PPP1CC: variants seen among roughly 807,000 people sequenced by gnomAD.
The protein encoded by PPP1CC is serine/threonine-protein phosphatase PP1-gamma catalytic subunit.
PPP1CC carries 16 observed loss-of-function variants against 38.4 expected under a neutral mutation model. The ratio of observed to expected loss-of-function variants is 0.42; its 90% CI spans 0.28 to 0.63. PPP1CC has a LOEUF of 0.63. Ranked by LOEUF, PPP1CC falls within the 30% of genes least tolerant of loss-of-function variation. The pLI, the probability that PPP1CC is intolerant of heterozygous loss-of-function variation, is 0.25. For synonymous variants in PPP1CC, 158 were observed against 136.0 expected, an observed-to-expected ratio of 1.16 and a Z score of -1.13; for missense variants, 170 against 391.3, an observed-to-expected ratio of 0.43 and a Z score of 4.77.
chr12:110,716,637 A>G (rs1259574124), downstream of PPP1CC, among the ~76,000 whole-genome samples: 3 of 152,190 alleles, frequency 2.0e-5, no homozygotes. Context: ...TACAGGCATG[A>G]GCCACTGCAC....
chr12:110,733,300 G>A (rs547411880), intron 1 of PPP1CC, among the ~76,000 whole-genome samples: 1 of 152,202 alleles, frequency 6.6e-6, no homozygotes, highest in African/African-American at 2.4e-5. Context: ...GAAGCTTCTG[G>A]TTTCAACGTG....
chr12:110,736,199 G>T (rs2069942851), intron 1 of PPP1CC, among the ~76,000 whole-genome samples: 1 of 152,178 alleles, frequency 6.6e-6, no homozygotes, highest in African/African-American at 2.4e-5. Context: ...GCTAGAAAGG[G>T]AGATTCAGGA....
intron 1 of PPP1CC, among the ~76,000 whole-genome samples, chr12:110,735,199 G>A (rs1434299453): frequency 1.3e-5 from 2 of 151,302 alleles, no homozygotes; most frequent in Non-Finnish European, 2.9e-5. Flanking sequence ...GATTATAGGC[G>A]TGCGCCACCG....
At chr12:110,713,440 G>A in the PPP1CC span, among the ~76,000 whole-genome samples, 1 of 152,102 alleles carries the variant, frequency 6.6e-6, no homozygotes, top group Non-Finnish European at 1.5e-5. Flanking sequence ...GCCATGTGTT[G>A]ACTTTCTACT....
At chr12:110,715,579 AATC>A (rs1166722251), downstream of PPP1CC, among the ~76,000 whole-genome samples, 16 of 151,952 alleles carry the variant, frequency 1.1e-4, no homozygotes, top group Middle Eastern at 3.4e-3. Flanking sequence ...TAATTATTAC[AATC>A]ATCAGAATTC....
intron 1 of PPP1CC, among the ~76,000 whole-genome samples, chr12:110,737,673 T>A (rs1416341775): frequency 6.7e-6 from 1 of 149,326 alleles, no homozygotes; most frequent in East Asian, 2.0e-4. Flanking sequence ...GGCAGGGAGC[T>A]GTGGTTCACG....
intron 3 of PPP1CC, chr12:110,725,232 A>G (rs1053779077): frequency 2.0e-5 from 3 of 152,834 alleles, no homozygotes; most frequent in African/African-American, 7.2e-5. Context: ...ATTATCTGGG[A>G]GCATCAATTC....
Position 110,719,929 on chromosome 12 carries a change from G to C in PPP1CC, c.*1147C>G, listed in dbSNP as rs961742646. On this transcript the variant is annotated 3_prime_UTR_variant, in exon 7 of 7. Coordinates refer to ENST00000335007, the MANE Select transcript of PPP1CC (RefSeq NM_002710.4). Reference sequence around the variant, plus strand: ...ATTTAACAAGTTCATCATTTAATAAGTCTGAATTCATTTTCACCACACGGT... The same window carrying C: ...ATTTAACAAGTTCATCATTTAATAACTCTGAATTCATTTTCACCACACGGT... 11 of 516,166 alleles carry C rather than the reference G, an allele frequency of 2.1e-5. No homozygotes were observed. Among genetic ancestry groups the C allele is most frequent in the Non-Finnish European group, 3.7e-5 (11 of 293,760 alleles). The allele number at this position is 516,166 out of a possible 1,614,324, so 32.0% of individuals were successfully genotyped here. A position where few individuals can be genotyped will look rare whatever the true frequency, so the allele number is the denominator to read the frequency against.
the PPP1CC span, among the ~76,000 whole-genome samples, chr12:110,710,730 A>G: frequency 6.8e-6 from 1 of 146,728 alleles, no homozygotes; most frequent in Non-Finnish European, 1.5e-5. Flanking sequence ...AAAAAAAAAA[A>G]AAAAAAAAAA....
chr12:110,736,711 A>G (rs56386451), intron 1 of PPP1CC, among the ~76,000 whole-genome samples: 14,015 of 152,266 alleles, frequency 0.092, 724 homozygotes, highest in African/African-American at 0.12. Flanking sequence ...CATAAGCAAT[A>G]CTAACTTTTG....
chr12:110,709,492 T>G, the PPP1CC span, among the ~76,000 whole-genome samples: 205 of 151,876 alleles, frequency 1.3e-3, 2 homozygotes, highest in Non-Finnish European at 1.2e-3. Context: ...GCTCCCAAAG[T>G]GTTGAGATTA....
Position 110,721,072 on chromosome 12 carries a change from A to C in PPP1CC, c.*4T>G. The C allele has an allele frequency of 6.2e-7, 1 of 1,613,468 alleles. No homozygotes were observed. Among genetic ancestry groups the C allele is most frequent in the Non-Finnish European group, 8.5e-7 (1 of 1,179,396 alleles). ...GTCCCGACTAGGCAGTGTCAAAACG[A>C]CATCTATTTCTTTGCTTGCTTTGTG... is the stretch of plus-strand genomic sequence containing the variant. On this transcript the variant is annotated 3_prime_UTR_variant, in exon 7 of 7. Coordinates refer to ENST00000335007, the MANE Select transcript of PPP1CC (RefSeq NM_002710.4).
downstream of PPP1CC, among the ~76,000 whole-genome samples, chr12:110,718,948 T>G (rs138897026): frequency 6.6e-6 from 1 of 152,000 alleles, no homozygotes; most frequent in African/African-American, 2.4e-5. Flanking sequence ...ACTCCAATAA[T>G]GATATAATCC....
chr12:110,724,804 T>C lies in PPP1CC; in HGVS notation c.419-40A>G, dbSNP rs943832900. The stretch of plus-strand genomic sequence containing the variant: ...AGAGTATTACATTAAAAAGAGAGTA[T>C]TACTGTTCCGTAGGCTCATTCTCTC... On this transcript the variant is annotated intron_variant, in intron 3 of 6. Transcript: ENST00000335007. 4.0e-6 allele frequency: 5 copies of C among 1,259,250 alleles called. No homozygotes were observed. The African/African-American group carries it at 5.9e-5, about 15-fold the overall frequency. The allele number at this position is 1,259,250 out of a possible 1,614,324, so 78.0% of individuals were successfully genotyped here. A position where few individuals can be genotyped will look rare whatever the true frequency, so the allele number is the denominator to read the frequency against.
At chr12:110,731,203 A>AC (rs545862831) in intron 2 of PPP1CC, among the ~76,000 whole-genome samples, 1 of 82,926 alleles carries the variant, frequency 1.2e-5, no homozygotes, top group African/African-American at 4.8e-5. Flanking sequence ...CACCACCCCC[A>AC]CCCCCCACCC....
intron 1 of PPP1CC, among the ~76,000 whole-genome samples, chr12:110,739,082 G>A (rs960923004): frequency 1.3e-5 from 2 of 152,202 alleles, no homozygotes; most frequent in African/African-American, 4.8e-5. Flanking sequence ...CACTTTGGGA[G>A]TCTGAGGCGG....
rs746894740 is a variant in PPP1CC, at chr12:110,722,111, A to C, written c.882+24T>G. The C allele has an allele frequency of 1.2e-5, 20 of 1,611,094 alleles. No individual in the cohort carries two copies. The highest frequency in any genetic ancestry group is 1.7e-5 in the Non-Finnish European group (20 of 1,177,980). On this transcript the variant is annotated intron_variant, in intron 6 of 6. Transcript: ENST00000335007. This position sits in a 1 kb window ranked among gnomAD's most constrained non-coding sequence, Gnocchi z 5.4. The stretch of plus-strand genomic sequence containing the variant: ...GCAAAGTGTAAACATATTAAAAGGA[A>C]ATCATGTTGAAAGCATGCTCTACCT...
the PPP1CC span, among the ~76,000 whole-genome samples, chr12:110,709,297 C>A: frequency 1.3e-5 from 2 of 148,388 alleles, no homozygotes; most frequent in Admixed American, 6.7e-5. Context: ...TATCGCGATC[C>A]CGGCTGACTA....
At chr12:110,718,157 T>C (rs1406010197), downstream of PPP1CC, among the ~76,000 whole-genome samples, 2 of 152,194 alleles carry the variant, frequency 1.3e-5, no homozygotes, top group Non-Finnish European at 2.9e-5. Flanking sequence ...ACTCTGGCCT[T>C]AAATCAAGGT....
Sources: gnomAD v4.1 joint callset for allele counts (sites outside exome capture counted in the v4.1 genomes callset) on GRCh38, gnomAD v4.1.1 for gene constraint, Gnocchi (gnomAD v3.1) non-coding constraint, MANE v1.5 for transcripts, NCBI Gene and HGNC (gene_info 2026-07-23, HGNC 2026-07-21) for gene names.